TRMT11: variants seen among roughly 807,000 people sequenced by gnomAD.
TRMT11 encodes the protein tRNA (guanine(10)-N(2))-methyltransferase TRMT11.
In TRMT11, 53 loss-of-function variants were observed where a neutral mutation model predicts 62.8. The ratio of observed to expected loss-of-function variants is 0.84; its 90% confidence interval spans 0.68 to 1.06. The LOEUF (loss-of-function observed/expected upper bound fraction) is 1.06, where lower values mean the gene tolerates loss of function less well. Among genes scored for constraint, TRMT11 ranks in the 50% least tolerant of loss-of-function variants. The pLI, the probability that TRMT11 is intolerant of heterozygous loss-of-function variation, is 0.00. For synonymous variants in TRMT11, 188 were observed against 190.3 expected, an observed-to-expected ratio of 0.99 and a Z score of 0.10; for missense variants, 556 against 553.4, an observed-to-expected ratio of 1.00 and a Z score of -0.05.
At position 126,021,300 on chromosome 6, in the gene TRMT11, T is replaced by C; in HGVS notation, c.1260+20T>C. ...TTTGAGGTAAATTGCTTCAGTATTT[T>C]TGGGATAAATTCTGAAAGAATCAAA... On this transcript the variant is annotated intron_variant, in intron 12 of 12. Coordinates refer to ENST00000334379, the MANE Select transcript of TRMT11 (RefSeq NM_001031712.3). 2 of 1,611,242 alleles carry C rather than the reference T, an allele frequency of 1.2e-6. No individual in the cohort carries two copies. Among genetic ancestry groups the C allele is most frequent in the Non-Finnish European group, 1.7e-6 (2 of 1,177,800 alleles).
At chr6:126,072,504 A>G (rs1174258307) in intron 17 of TRMT11, among the ~76,000 whole-genome samples, 1 of 152,254 alleles carries the variant, frequency 6.6e-6, no homozygotes, top group East Asian at 1.9e-4. Context: ...TACTGAGTTG[A>G]AAATTACAAC....
chr6:126,189,333 A>C (rs1410198399), intron 1 of TRMT11, among the ~76,000 whole-genome samples: 1 of 152,140 alleles, frequency 6.6e-6, no homozygotes. Context: ...GTATTCACTA[A>C]ATTGCAGCTC....
intron 16 of TRMT11, among the ~76,000 whole-genome samples, chr6:126,049,517 G>A (rs907547363): frequency 6.6e-6 from 1 of 151,644 alleles, no homozygotes; most frequent in African/African-American, 2.4e-5. Flanking sequence ...AGTTGTATGT[G>A]TTACTCTATT....
chr6:126,200,258 G>T (rs1304799723), intron 3 of TRMT11, among the ~76,000 whole-genome samples: 2 of 152,168 alleles, frequency 1.3e-5, no homozygotes, highest in Admixed American at 6.5e-5. Context: ...TCCAAAACAG[G>T]TTTTGAGGAT....
At chr6:126,090,161 A>G (rs1452397324) in intron 17 of TRMT11, among the ~76,000 whole-genome samples, 1 of 152,106 alleles carries the variant, frequency 6.6e-6, no homozygotes, top group Non-Finnish European at 1.5e-5. Flanking sequence ...CCCCTATCTC[A>G]GTTTGTACCT....
the TRMT11 span, among the ~76,000 whole-genome samples, chr6:126,234,607 T>A: frequency 6.6e-6 from 1 of 152,138 alleles, no homozygotes; most frequent in Admixed American, 6.6e-5. Context: ...GTGAGGATAA[T>A]CTGTACACTG....
At position 126,039,196 on chromosome 6, in the gene TRMT11, A is replaced by T. The variant is rs1235395954; in HGVS notation, c.*360A>T. ...ATTAATAGTAGTTAAGAATTTATTC[A>T]TTTGGTAGATATGTTTATTTGGTTT... On this transcript the variant is annotated 3_prime_UTR_variant, in exon 13 of 13. Transcript: ENST00000334379. 6.4e-6 allele frequency: 1 copy of T among 155,416 alleles called. No individual in the cohort carries two copies. The highest frequency in any genetic ancestry group is 2.0e-4 in the South Asian group (1 of 4,886). 9.6% of individuals were successfully genotyped at this position (155,416 alleles called of 1,614,324 possible).
At chr6:125,991,333 C>T (rs1485069156) in intron 1 of TRMT11, among the ~76,000 whole-genome samples, 9 of 152,174 alleles carry the variant, frequency 5.9e-5, no homozygotes, top group African/African-American at 2.2e-4. Flanking sequence ...CTCACTGCAG[C>T]CTCAAAGACC....
chr6:126,163,921 C>T lies in TRMT11; in HGVS notation c.*1824-10904C>T, dbSNP rs546717550. ...CTATTTTGTTAATCTTTTCAAAAAG[C>T]CTGCTCCTGGATTCATTGATTTTTC... On this transcript the variant is annotated intron_variant and NMD_transcript_variant, in intron 21 of 22. Coordinates refer to the TRMT11 transcript ENST00000648977. Among the ~76,000 whole-genome samples, 10 of 152,134 alleles carry T rather than the reference C, an allele frequency of 6.6e-5. No individual in the cohort carries two copies. The East Asian group carries it at 7.7e-4, about 12-fold the overall frequency.
At chr6:126,112,140 T>C (rs1045118398) in intron 17 of TRMT11, among the ~76,000 whole-genome samples, 2 of 152,136 alleles carry the variant, frequency 1.3e-5, no homozygotes, top group African/African-American at 4.8e-5. Context: ...AGGGAGCTAC[T>C]ATTAGCTCAG....
At chr6:126,223,563 C>T in the TRMT11 span, among the ~76,000 whole-genome samples, 1 of 152,232 alleles carries the variant, frequency 6.6e-6, no homozygotes, top group Admixed American at 6.5e-5. Flanking sequence ...TGTAGGTGAC[C>T]TGTCTTTCTT....
chr6:126,268,895 T>G, the TRMT11 span, among the ~76,000 whole-genome samples: 1 of 152,024 alleles, frequency 6.6e-6, no homozygotes, highest in Non-Finnish European at 1.5e-5. Flanking sequence ...AAGACTACGG[T>G]AAGTACAACA....
chr6:126,154,638 C>T (rs1003089976), intron 21 of TRMT11, among the ~76,000 whole-genome samples: 1 of 152,186 alleles, frequency 6.6e-6, no homozygotes, highest in Admixed American at 6.5e-5. Flanking sequence ...CATTTCAAAG[C>T]CCGGCCACTT....
At chr6:126,085,276 T>C (rs1409688299) in intron 17 of TRMT11, among the ~76,000 whole-genome samples, 1 of 152,206 alleles carries the variant, frequency 6.6e-6, no homozygotes, top group African/African-American at 2.4e-5. Context: ...TCATCTTTTT[T>C]ACTAGCCTGT....
At chr6:126,246,709 A>T in the TRMT11 span, among the ~76,000 whole-genome samples, 1 of 152,216 alleles carries the variant, frequency 6.6e-6, no homozygotes, top group Admixed American at 6.5e-5. Context: ...GCTGTGGGAG[A>T]AAACTTTGAG....
chr6:126,262,641 C>T, the TRMT11 span, among the ~76,000 whole-genome samples: 31 of 152,192 alleles, frequency 2.0e-4, no homozygotes, highest in African/African-American at 7.2e-4. Context: ...TTTGGATACT[C>T]TTCAAATTGG....
Position 125,999,584 on chromosome 6 carries a change from A to T in TRMT11, c.650A>T (p.Asp217Val). 1 of 1,611,714 alleles carries T rather than the reference A, an allele frequency of 6.2e-7. No individual in the cohort carries two copies. Among genetic ancestry groups the T allele is most frequent in the East Asian group, 2.2e-5 (1 of 44,708 alleles). The change falls in exon 7 of 13, where the codon GAT (aspartate) becomes GTT (valine). Residue 217 changes from aspartate (D) to valine (V), a missense_variant. Physicochemically the swap from Asp to Val is radical, Grantham distance 152 (BLOSUM62 -3). Transcript: ENST00000334379. The stretch of plus-strand genomic sequence containing the variant: ...AACCATGGAAAAGTGAAAGAAAATG[A>T]TATTGTCTTTGATCCATTTGTTGGA... ...MANHGKVKEN[D>V]IVFDPFVGTG...
At chr6:126,224,161 C>T in the TRMT11 span, among the ~76,000 whole-genome samples, 1 of 152,198 alleles carries the variant, frequency 6.6e-6, no homozygotes, top group South Asian at 2.1e-4. Context: ...TCATTTCAGC[C>T]TGGTTAAGAA....
At chr6:126,014,578 C>T (rs1315196633) in intron 11 of TRMT11, among the ~76,000 whole-genome samples, 2 of 152,212 alleles carry the variant, frequency 1.3e-5, no homozygotes, top group Non-Finnish European at 2.9e-5. Context: ...CATAATTATA[C>T]AGTGGTAACT....
Sources: allele counts gnomAD v4.1 joint callset (sites outside exome capture counted in the v4.1 genomes callset), GRCh38; gene constraint gnomAD v4.1.1; transcripts MANE v1.5; gene names NCBI Gene and HGNC (gene_info 2026-07-23, HGNC 2026-07-21).